Variants in ERFE observed in about 807,000 individuals in gnomAD.
The protein encoded by ERFE is erythroferrone.
In ERFE, 25 loss-of-function variants were observed where a neutral mutation model predicts 26.6. The ratio of observed to expected loss-of-function variants is 0.94; its 90% CI spans 0.69 to 1.31. The LOEUF (loss-of-function observed/expected upper bound fraction) is 1.31. ERFE is among the 40% of genes most tolerant of loss of function. The pLI is 0.00. For synonymous variants in ERFE, 206 were observed against 204.5 expected (o/e 1.01, Z -0.06); for missense variants, 447 against 440.2 (o/e 1.02, Z -0.14).
At chr2:238,164,839 A>G (rs1693008675) in intron 6 of ERFE, 1 of 161,158 alleles carries the variant, frequency 6.2e-6, no homozygotes, top group South Asian at 1.7e-4. Flanking sequence ...CAACAGAGCG[A>G]GACTCCGTCT....
In ERFE at chr2:238,168,372, C is replaced by T. The variant is rs192936436; in HGVS notation, c.*1318C>T. On this transcript the variant is annotated 3_prime_UTR_variant, in exon 8 of 8. Transcript: ENST00000546354. ...ACCCACTGCCTCCCCACACAACAGGCTACGAAGAACCTGGTGCCTCAGGAC... is the reference window on the plus strand; with the variant it reads ...ACCCACTGCCTCCCCACACAACAGGTTACGAAGAACCTGGTGCCTCAGGAC... 152 of 470,766 alleles carry T rather than the reference C, an allele frequency of 3.2e-4. 1 individual carries two copies. Among genetic ancestry groups the T allele is most frequent in the Non-Finnish European group, 3.2e-4 (72 of 226,852 alleles). The allele number at this position is 470,766 out of a possible 1,614,324, so 29.2% of individuals were successfully genotyped here. A position where few individuals can be genotyped will look rare whatever the true frequency, so the allele number is the denominator to read the frequency against.
At chr2:238,160,015 A>G (rs1371611598) in intron 1 of ERFE, among the ~76,000 whole-genome samples, 1 of 152,188 alleles carries the variant, frequency 6.6e-6, no homozygotes, top group Admixed American at 6.5e-5. Context: ...TCCCGGCCCC[A>G]TCACACCCAG....
At chr2:238,165,795 C>A in intron 7 of ERFE, 111 bp downstream of exon 7, 1 of 951,608 alleles carries the variant, frequency 1.1e-6, no homozygotes, top group Non-Finnish European at 1.6e-6. Context: ...GGGTGCAGCA[C>A]CCTCAGACTC....
rs1559282207 is a variant in ERFE, at chr2:238,163,796, C to T, written c.484C>T (p.Pro162Ser). ...PEPCTCGPAG[P>S]VAASLAPVSA... ...ACCCTGTACGTGTGGCCCCGCCGGG[C>T]CGGTCGCTGCGAGCCTCGCCCCGGT... The change falls in exon 4 of 8, where the codon CCG (proline) becomes TCG (serine). Residue 162 changes from proline (P) to serine (S), a missense_variant. Coordinates refer to ENST00000546354, the MANE Select transcript of ERFE (RefSeq NM_001291832.2). 4.4e-6 allele frequency: 6 copies of T among 1,351,306 alleles called. No individual in the cohort carries two copies. The highest frequency in any genetic ancestry group is 5.7e-6 in the Non-Finnish European group (6 of 1,056,678). The allele number at this position is 1,351,306 out of a possible 1,614,324, so 83.7% of individuals were successfully genotyped here.
chr2:238,167,657 T>C lies in ERFE; in HGVS notation c.*603T>C. 5.6e-6 allele frequency: 2 copies of C among 354,426 alleles called. No individual in the cohort carries two copies. Among genetic ancestry groups the C allele is most frequent in the Non-Finnish European group, 1.1e-5 (2 of 178,616 alleles). 22.0% of individuals were successfully genotyped at this position (354,426 alleles called of 1,614,324 possible). A position where few individuals can be genotyped will look rare whatever the true frequency, so the allele number is the denominator to read the frequency against. ...CAGTGGAGCTGAGCACTGCCTAGCC[T>C]GGGCCAGAGGGGCACTGGACAAGGG... On this transcript the variant is annotated 3_prime_UTR_variant, in exon 8 of 8. Transcript: ENST00000546354.
At chr2:238,160,499 G>A (rs1400223011) in intron 1 of ERFE, among the ~76,000 whole-genome samples, 1 of 152,172 alleles carries the variant, frequency 6.6e-6, no homozygotes, top group African/African-American at 2.4e-5. Flanking sequence ...AGATCAGCCA[G>A]CAGGTGGTGC....
Position 238,163,973 on chromosome 2 carries a change from C to T in ERFE, c.661C>T (p.Leu221=), listed in dbSNP as rs1007808845. 5.8e-5 allele frequency: 81 copies of T among 1,387,600 alleles called. No individual in the cohort carries two copies. Among genetic ancestry groups the T allele is most frequent in the Non-Finnish European group, 7.1e-5 (77 of 1,077,564 alleles). 86.0% of individuals were successfully genotyped at this position (1,387,600 alleles called of 1,614,324 possible). A position where few individuals can be genotyped will look rare whatever the true frequency, so the allele number is the denominator to read the frequency against. ...GGACGCGTTGGTGGAGCGGCGCGCG[C>T]TGCACGAGCTTGGCGTCTACTACCT... is the stretch of plus-strand genomic sequence containing the variant. ...RRDALVERRA[L]HELGVYYLPD... The change falls in exon 4 of 8, where the codon CTG becomes TTG. Residue 221 remains leucine, a synonymous_variant. Transcript: ENST00000546354.
rs1692995036 is a variant in ERFE, at chr2:238,164,282, C to A, written c.809C>A (p.Pro270Gln). The change falls in exon 6 of 8, where the codon CCG (proline) becomes CAG (glutamine). Residue 270 changes from proline to glutamine, a missense_variant. Pro to Gln is a moderately conservative substitution (Grantham distance 76, BLOSUM62 -1). Coordinates refer to ENST00000546354, the MANE Select transcript of ERFE (RefSeq NM_001291832.2). Reference protein sequence around the residue: ...AATLHVALGEPPRRGPPRPRD... With the variant: ...AATLHVALGEQPRRGPPRPRD... ...CCCTCCCCCGCAGCGCTCGGGGAGCCGCCGAGGAGGGGGCCGCCGCGCCCC... is the reference window on the plus strand; with the variant it reads ...CCCTCCCCCGCAGCGCTCGGGGAGCAGCCGAGGAGGGGGCCGCCGCGCCCC... 1 of 1,511,366 alleles carries A rather than the reference C, an allele frequency of 6.6e-7. No homozygotes were observed. 93.6% of individuals were successfully genotyped at this position (1,511,366 alleles called of 1,614,324 possible). A position where few individuals can be genotyped will look rare whatever the true frequency, so the allele number is the denominator to read the frequency against.
At position 238,163,886 on chromosome 2, in the gene ERFE, C is replaced by A. The variant is rs1692982045; in HGVS notation, c.574C>A (p.Pro192Thr). ...GGACGTGCTGGCACTGCTGGCCGCG[C>A]CCCTGGCCCCGGGGCCGCGGGCGCC... is the stretch of plus-strand genomic sequence containing the variant. The part of the protein sequence containing the change: ...VGDVLALLAA[P>T]LAPGPRAPRV... The change falls in exon 4 of 8, where the codon CCC becomes ACC. Residue 192 changes from proline (P) to threonine (T), a missense_variant. By Grantham distance (38) the Pro-to-Thr change is conservative (BLOSUM62 -1). Coordinates refer to ENST00000546354, the MANE Select transcript of ERFE (RefSeq NM_001291832.2). The A allele has an allele frequency of 7.6e-7, 1 of 1,316,472 alleles. No individual in the cohort carries two copies. Among genetic ancestry groups the A allele is most frequent in the African/African-American group, 1.5e-5 (1 of 64,668 alleles). 81.5% of individuals were successfully genotyped at this position (1,316,472 alleles called of 1,614,324 possible). A position where few individuals can be genotyped will look rare whatever the true frequency, so the allele number is the denominator to read the frequency against.
chr2:238,165,779 T>G, intron 7 of ERFE, 95 bp downstream of exon 7: 1 of 1,175,554 alleles, frequency 8.5e-7, no homozygotes, highest in Non-Finnish European at 1.2e-6. Flanking sequence ...TCAGGATCAC[T>G]GGGTCGGGTG....
rs1450930574 is a variant in ERFE at position 238,167,909 on chromosome 2, A to G, written c.*855A>G. The G allele has an allele frequency of 5.1e-6, 1 of 196,034 alleles. No individual in the cohort carries two copies. The highest frequency in any genetic ancestry group is 1.1e-5 in the Non-Finnish European group (1 of 93,866). The allele number at this position is 196,034 out of a possible 1,614,324, so 12.1% of individuals were successfully genotyped here. A position where few individuals can be genotyped will look rare whatever the true frequency, so the allele number is the denominator to read the frequency against. On this transcript the variant is annotated 3_prime_UTR_variant, in exon 8 of 8. Transcript: ENST00000546354. ...TGGTAGGAGCCACCCACCAGAGGAAAGATCTAGAACGTCTTTACAGATTGG... is the reference window on the plus strand; with the variant it reads ...TGGTAGGAGCCACCCACCAGAGGAAGGATCTAGAACGTCTTTACAGATTGG...
intron 3 of ERFE, among the ~76,000 whole-genome samples, 186 bp downstream of exon 3, chr2:238,163,024 C>A (rs1383398328): frequency 6.6e-6 from 1 of 152,258 alleles, no homozygotes; most frequent in Non-Finnish European, 1.5e-5. Flanking sequence ...TGGCCCATGT[C>A]TGCCAAGGGT....
chr2:238,164,011 C>A lies in ERFE; in HGVS notation c.687+12C>A, dbSNP rs1021483558. 4.4e-6 allele frequency: 6 copies of A among 1,376,398 alleles called. No individual in the cohort carries two copies. Among genetic ancestry groups the A allele is most frequent in the Middle Eastern group, 2.2e-4 (1 of 4,458 alleles). 85.3% of individuals were successfully genotyped at this position (1,376,398 alleles called of 1,614,324 possible). A position where few individuals can be genotyped will look rare whatever the true frequency, so the allele number is the denominator to read the frequency against. ...GCGTCTACTACCTGGTGAGTGCCGG[C>A]GCGCGGGAGGGCGGGTGAGTCCGGC... On this transcript the variant is annotated intron_variant, in intron 4 of 7. Transcript: ENST00000546354.
chr2:238,168,211 C>CTG lies in ERFE; in HGVS notation c.*1160_*1161dup, dbSNP rs1693079064. 1 of 355,088 alleles carries CTG rather than the reference C, an allele frequency of 2.8e-6. No individual in the cohort carries two copies. The highest frequency in any genetic ancestry group is 5.8e-6 in the Non-Finnish European group (1 of 172,912). 22.0% of individuals were successfully genotyped at this position (355,088 alleles called of 1,614,324 possible). A position where few individuals can be genotyped will look rare whatever the true frequency, so the allele number is the denominator to read the frequency against. ...GGCAGCTCTCATGAGGACACACAGGCTGTGAGCCCGCAGCCTCCTCAAATG... is the reference window on the plus strand; with the variant it reads ...GGCAGCTCTCATGAGGACACACAGGCTGTGTGAGCCCGCAGCCTCCTCAAATG... On this transcript the variant is annotated 3_prime_UTR_variant, in exon 8 of 8. Coordinates refer to ENST00000546354, the MANE Select transcript of ERFE (RefSeq NM_001291832.2).
chr2:238,164,188 G>C lies in ERFE; in HGVS notation c.796+5G>C. The stretch of plus-strand genomic sequence containing the variant: ...TCGCCGCCACGCTGCACGTGGGTGA[G>C]GCCCGGGGCGTGGGAGGATCGCCCG... On this transcript the variant is annotated splice_donor_5th_base_variant and intron_variant, in intron 5 of 7. Coordinates refer to ENST00000546354, the MANE Select transcript of ERFE (RefSeq NM_001291832.2). 1 of 1,434,670 alleles carries C rather than the reference G, an allele frequency of 7.0e-7. No homozygotes were observed. The highest frequency in any genetic ancestry group is 9.1e-7 in the Non-Finnish European group (1 of 1,103,370). 88.9% of individuals were successfully genotyped at this position (1,434,670 alleles called of 1,614,324 possible).
rs1213364070 is a variant in ERFE at position 238,168,375 on chromosome 2, C to T, written c.*1321C>T. The T allele has an allele frequency of 1.3e-5, 6 of 470,750 alleles. No homozygotes were observed. Among genetic ancestry groups the T allele is most frequent in the Admixed American group, 7.1e-5 (3 of 42,544 alleles). 29.2% of individuals were successfully genotyped at this position (470,750 alleles called of 1,614,324 possible). On this transcript the variant is annotated 3_prime_UTR_variant, in exon 8 of 8. Transcript: ENST00000546354. Reference sequence around the variant, plus strand: ...CACTGCCTCCCCACACAACAGGCTACGAAGAACCTGGTGCCTCAGGACCTC... The same window carrying T: ...CACTGCCTCCCCACACAACAGGCTATGAAGAACCTGGTGCCTCAGGACCTC...
Position 238,166,995 on chromosome 2 carries a change from G to A in ERFE, c.1006G>A (p.Gly336Ser), listed in dbSNP as rs964195009. Residue 336 changes from glycine (G) to serine (S), a missense_variant, in exon 8 of 8, where the codon GGC becomes AGC. Coordinates refer to ENST00000546354, the MANE Select transcript of ERFE (RefSeq NM_001291832.2). ...WTSVFLDNAS[G>S]CSLTVRSGSH... The stretch of plus-strand genomic sequence containing the variant: ...CTCCGTGTTCTTGGACAACGCCAGC[G>A]GCTGCTCCCTCACAGTGCGCAGTGG... 15 of 1,550,410 alleles carry A rather than the reference G, an allele frequency of 9.7e-6. No individual in the cohort carries two copies. The highest frequency in any genetic ancestry group is 4.1e-5 in the African/African-American group (3 of 73,064).
intron 7 of ERFE, 33 bp downstream of exon 7, chr2:238,165,717 C>A: frequency 1.3e-6 from 2 of 1,537,812 alleles, no homozygotes; most frequent in Non-Finnish European, 8.8e-7. Flanking sequence ...TCGAGGGGCA[C>A]CGCCTGGGCA....
At position 238,163,798 on chromosome 2, in the gene ERFE, G is replaced by A. The variant is rs533645800; in HGVS notation, c.486G>A (p.Pro162=). The part of the protein sequence containing the change: ...PEPCTCGPAG[P]VAASLAPVSA... Reference sequence around the variant, plus strand: ...CCTGTACGTGTGGCCCCGCCGGGCCGGTCGCTGCGAGCCTCGCCCCGGTCT... The same window carrying A: ...CCTGTACGTGTGGCCCCGCCGGGCCAGTCGCTGCGAGCCTCGCCCCGGTCT... Residue 162 remains proline, a synonymous_variant, in exon 4 of 8, where the codon CCG becomes CCA. Transcript: ENST00000546354. The A allele has an allele frequency of 6.5e-5, 88 of 1,350,442 alleles. No individual in the cohort carries two copies. The African/African-American group carries it at 1.1e-3, about 17-fold the overall frequency. 83.7% of individuals were successfully genotyped at this position (1,350,442 alleles called of 1,614,324 possible). A position where few individuals can be genotyped will look rare whatever the true frequency, so the allele number is the denominator to read the frequency against.
Sources: gnomAD v4.1 joint callset for allele counts (sites outside exome capture counted in the v4.1 genomes callset) on GRCh38, gnomAD v4.1.1 for gene constraint, MANE v1.5 for transcripts, NCBI Gene and HGNC (gene_info 2026-07-23, HGNC 2026-07-21) for gene names.